The following ZNF618 variants were observed in gnomAD, a reference collection of about 807,000 sequenced individuals.
The protein encoded by ZNF618 is neural precursor cell expressed, developmentally down-regulated 10.
In ZNF618, 34 loss-of-function variants were observed where a neutral mutation model predicts 103.0. The observed-to-expected ratio is 0.33, with a 90% CI of 0.25 to 0.44. The LOEUF is 0.44. Among genes scored for constraint, ZNF618 ranks in the 20% least tolerant of loss-of-function variants. The pLI, the probability that ZNF618 is intolerant of heterozygous loss-of-function variation, is 1.00. For missense variants in ZNF618, 1,059 were observed against 1,295.4 expected (o/e 0.82, Z 2.80); for synonymous variants, 551 against 542.2 (o/e 1.02, Z -0.23).
intron 1 of ZNF618, among the ~76,000 whole-genome samples, chr9:113,931,833 T>C (rs1041868755): frequency 1.3e-5 from 2 of 152,258 alleles, no homozygotes; most frequent in Non-Finnish European, 2.9e-5. Context: ...CTTTTTACTT[T>C]TTTAAATGTG....
intron 2 of ZNF618, among the ~76,000 whole-genome samples, chr9:113,985,901 C>A (rs1290924421): frequency 6.6e-6 from 1 of 152,188 alleles, no homozygotes; most frequent in Non-Finnish European, 1.5e-5. Flanking sequence ...TAGAACACTG[C>A]CGGGCACATA....
At chr9:114,041,054 T>C (rs1233084910) in intron 13 of ZNF618, among the ~76,000 whole-genome samples, 1 of 152,206 alleles carries the variant, frequency 6.6e-6, no homozygotes, top group East Asian at 1.9e-4. Context: ...CTCATTGTGG[T>C]TTTGATTTGC....
rs180855704 is a variant in ZNF618, at chr9:113,990,931, G to A, written c.337+2351G>A. On this transcript the variant is annotated intron_variant, in intron 3 of 14. Coordinates refer to ENST00000374126, the MANE Select transcript of ZNF618 (RefSeq NM_001318042.2). ...GCCAGGGACTGTGTTAATCACTGGT[G>A]GATTTGTTAGTTAATGGAGAAGACC... is the stretch of plus-strand genomic sequence containing the variant. 2.6e-5 allele frequency among the ~76,000 whole-genome samples: 4 copies of A among 152,314 alleles called. No homozygotes were observed. In the East Asian group the frequency reaches 5.8e-4, roughly 22 times the overall value.
chr9:113,921,821 T>C (rs1475744183), intron 1 of ZNF618, among the ~76,000 whole-genome samples: 1 of 152,230 alleles, frequency 6.6e-6, no homozygotes, highest in African/African-American at 2.4e-5. Flanking sequence ...AAAGATGCCT[T>C]CTATAAAGTG....
chr9:114,025,409 C>G (rs1843406060), intron 10 of ZNF618, among the ~76,000 whole-genome samples: 1 of 152,168 alleles, frequency 6.6e-6, no homozygotes, highest in African/African-American at 2.4e-5. Flanking sequence ...TTTTTTTGGT[C>G]CAGTTAAATT....
At chr9:113,987,790 T>G (rs1839627365) in intron 2 of ZNF618, among the ~76,000 whole-genome samples, 3 of 152,034 alleles carry the variant, frequency 2.0e-5, no homozygotes, top group South Asian at 4.2e-4. Context: ...GCCCAGGAGT[T>G]TGTTTGTGTT....
At chr9:114,040,337 C>CT (rs200093374) in intron 13 of ZNF618, among the ~76,000 whole-genome samples, 6,479 of 142,280 alleles carry the variant, frequency 0.046, 219 homozygotes, top group Non-Finnish European at 0.068. Context: ...TGTTTTCTTT[C>CT]TTTTTTTTTT....
intron 1 of ZNF618, among the ~76,000 whole-genome samples, chr9:113,917,681 T>G (rs1485404138): frequency 6.6e-6 from 1 of 152,194 alleles, no homozygotes; most frequent in African/African-American, 2.4e-5. Context: ...ACAATTTGTA[T>G]ATACTTCCTC....
At position 114,028,961 on chromosome 9, in the gene ZNF618, A is replaced by G. The variant is rs1843756729; in HGVS notation, c.1073A>G (p.Lys358Arg). 2 of 1,550,378 alleles carry G rather than the reference A, an allele frequency of 1.3e-6. No individual in the cohort carries two copies. Among genetic ancestry groups the G allele is most frequent in the Non-Finnish European group, 1.7e-6 (2 of 1,146,956 alleles). Residue 358 changes from lysine to arginine, a missense_variant, in exon 11 of 15, where the codon AAG becomes AGG. Lys to Arg is a conservative substitution (Grantham distance 26). Around this residue, in one of 6 missense-constraint regions of ZNF618, gnomAD observed 434 missense variants for 476.0 expected, o/e 0.91. Coordinates refer to ENST00000374126, the MANE Select transcript of ZNF618 (RefSeq NM_001318042.2). ...RTPNSGSPASKATAAESAFSR... is the reference protein window; with the variant it reads ...RTPNSGSPASRATAAESAFSR... Reference sequence around the variant, plus strand: ...CCAAATTCGGGATCTCCGGCGAGCAAGGCAACCGCAGGTACCAATGGCCTA... The same window carrying G: ...CCAAATTCGGGATCTCCGGCGAGCAGGGCAACCGCAGGTACCAATGGCCTA...
intron 1 of ZNF618, among the ~76,000 whole-genome samples, chr9:113,920,231 T>A (rs1455815638): frequency 6.6e-6 from 1 of 152,134 alleles, no homozygotes; most frequent in Non-Finnish European, 1.5e-5. Flanking sequence ...GACACTTTTG[T>A]TTCAAGTGAG....
intron 6 of ZNF618, 54 bp downstream of exon 6, chr9:114,002,716 A>G (rs1841362736): frequency 6.3e-7 from 1 of 1,592,754 alleles, no homozygotes; most frequent in Non-Finnish European, 8.6e-7. Flanking sequence ...TTGGGGTGGG[A>G]TGAAGAGGAG....
chr9:113,999,458 G>A (rs924182714), intron 4 of ZNF618, among the ~76,000 whole-genome samples: 2 of 152,168 alleles, frequency 1.3e-5, no homozygotes, highest in Non-Finnish European at 2.9e-5. Flanking sequence ...CAGAGACTCC[G>A]TGTGCCAGAC....
intron 10 of ZNF618, chr9:114,028,383 A>C (rs1843703793): frequency 4.1e-6 from 1 of 243,930 alleles, no homozygotes; most frequent in African/African-American, 2.2e-5. Context: ...CCTTTAAAGG[A>C]AAAGGAGCTT....
intron 1 of ZNF618, among the ~76,000 whole-genome samples, chr9:113,925,020 T>C (rs923824895): frequency 2.0e-5 from 3 of 152,046 alleles, no homozygotes; most frequent in African/African-American, 7.2e-5. Context: ...CAATACCCTA[T>C]AATAATGTCA....
intron 1 of ZNF618, among the ~76,000 whole-genome samples, chr9:113,891,029 T>C (rs1007018406): frequency 2.0e-5 from 3 of 152,192 alleles, no homozygotes; most frequent in East Asian, 3.8e-4. Context: ...TTAGATTCCA[T>C]TTTTTTCCCC....
intron 1 of ZNF618, among the ~76,000 whole-genome samples, chr9:113,955,862 A>G (rs1836233161): frequency 6.6e-6 from 1 of 151,764 alleles, no homozygotes; most frequent in African/African-American, 2.4e-5. Context: ...TCTTTCTTCT[A>G]TGTGGGAATA....
chr9:113,966,234 T>C (rs1837394076), intron 1 of ZNF618, among the ~76,000 whole-genome samples: 2 of 152,188 alleles, frequency 1.3e-5, no homozygotes, highest in Non-Finnish European at 2.9e-5. Flanking sequence ...GGTCCTGTGA[T>C]GAGCATCTTG....
At chr9:113,946,842 C>A (rs1835082869) in intron 1 of ZNF618, among the ~76,000 whole-genome samples, 1 of 152,182 alleles carries the variant, frequency 6.6e-6, no homozygotes, top group Admixed American at 6.5e-5. Flanking sequence ...TGGTTATTCC[C>A]AGGACCCTTC....
At chr9:113,898,773 G>A (rs886146190) in intron 1 of ZNF618, among the ~76,000 whole-genome samples, 2 of 152,178 alleles carry the variant, frequency 1.3e-5, no homozygotes, top group African/African-American at 2.4e-5. Flanking sequence ...GCAGCAGCCC[G>A]GGGTTAATGA....
Sources: gnomAD v4.1 joint callset for allele counts (sites outside exome capture counted in the v4.1 genomes callset) on GRCh38, gnomAD v4.1.1 for gene constraint, gnomAD v4.1.1 regional missense constraint, MANE v1.5 for transcripts, NCBI Gene and HGNC (gene_info 2026-07-23, HGNC 2026-07-21) for gene names.